SYT13: variants seen among roughly 807,000 people sequenced by gnomAD.
The protein encoded by SYT13 is synaptotagmin-13.
In SYT13, 21 loss-of-function variants were observed where a neutral mutation model predicts 38.6. The observed-to-expected ratio is 0.54, with a 90% CI of 0.39 to 0.78. The LOEUF (loss-of-function observed/expected upper bound fraction) is 0.78, where lower values mean the gene tolerates loss of function less well. Ranked by LOEUF, SYT13 falls within the 30% of genes least tolerant of loss-of-function variation. The pLI, the probability that SYT13 is intolerant of heterozygous loss-of-function variation, is 0.00. For synonymous variants in SYT13, 241 were observed against 237.6 expected, an observed-to-expected ratio of 1.01 and a Z score of -0.13; for missense variants, 495 against 548.7, an observed-to-expected ratio of 0.90 and a Z score of 0.98.
chr11:45,286,083 C>T lies in SYT13; in HGVS notation c.125G>A (p.Arg42Gln), dbSNP rs147787174. 414 of 1,608,714 alleles carry T rather than the reference C, an allele frequency of 2.6e-4. No homozygotes were observed. In the East Asian group the frequency reaches 5.0e-3, roughly 19 times the overall value. ...HMHPKKGLLP[R>Q]DQDPDLEKAK... is the part of the protein sequence containing the mutation. ...CTTCTCCAGGTCGGGGTCCTGGTCC[C>T]GCGGCAGCAGCCCCTTCTTGGGGTG... The change falls in exon 1 of 6, where the codon CGG (arginine) becomes CAG (glutamine). Residue 42 changes from arginine to glutamine, a missense_variant. Transcript: ENST00000020926.
chr11:45,277,114 A>G (rs762261417), intron 1 of SYT13, among the ~76,000 whole-genome samples: 14 of 152,222 alleles, frequency 9.2e-5, no homozygotes, highest in Non-Finnish European at 1.3e-4. Flanking sequence ...TGAACCTTGA[A>G]AACATGATGC....
chr11:45,269,515 T>C (rs1420111276), intron 1 of SYT13: 1 of 1,277,762 alleles, frequency 7.8e-7, no homozygotes. Flanking sequence ...TGCTCTGCAA[T>C]GCACAACACA....
intron 1 of SYT13, among the ~76,000 whole-genome samples, chr11:45,285,707 C>T (rs1040141588): frequency 1.3e-5 from 2 of 152,110 alleles, no homozygotes; most frequent in African/African-American, 2.4e-5. Flanking sequence ...CTTACCCTTC[C>T]CAGCCCTAAT....
chr11:45,285,799 G>T lies in SYT13; in HGVS notation c.183+226C>A. On this transcript the variant is annotated intron_variant, in intron 1 of 5. Coordinates refer to ENST00000020926, the MANE Select transcript of SYT13 (RefSeq NM_020826.3). ...TTCTTCTCTCAGTCCCCACAAGCTC[G>T]CCGCTCCCTAATTCTCCTTCAGGTC... 11 of 717,320 alleles carry T rather than the reference G, an allele frequency of 1.5e-5. No individual in the cohort carries two copies. In the South Asian group the frequency reaches 1.6e-4, roughly 11 times the overall value. The allele number at this position is 717,320 out of a possible 1,614,324, so 44.4% of individuals were successfully genotyped here.
intron 2 of SYT13, 175 bp from the exon 3 acceptor site, chr11:45,254,579 TAG>T: frequency 1.3e-6 from 1 of 776,496 alleles, no homozygotes; most frequent in African/African-American, 1.8e-5. Flanking sequence ...CACAGCCCAT[TAG>T]GCTGCATCTG....
intron 1 of SYT13, among the ~76,000 whole-genome samples, chr11:45,278,917 C>T (rs1282479043): frequency 3.3e-5 from 5 of 152,200 alleles, no homozygotes; most frequent in Non-Finnish European, 5.9e-5. Flanking sequence ...CCAGCCCAAA[C>T]ATGTTTACTG....
At position 45,285,778 on chromosome 11, in the gene SYT13, T is replaced by G. The variant is rs962724612; in HGVS notation, c.183+247A>C. On this transcript the variant is annotated intron_variant, in intron 1 of 5. Transcript: ENST00000020926. ...AGGTCTCGCTGCTGGCCCCCATTCT[T>G]CTCTCAGTCCCCACAAGCTCGCCGC... 6 of 701,378 alleles carry G rather than the reference T, an allele frequency of 8.6e-6. No individual in the cohort carries two copies. In the African/African-American group the frequency reaches 1.1e-4, roughly 12 times the overall value. 43.4% of individuals were successfully genotyped at this position (701,378 alleles called of 1,614,324 possible). A position where few individuals can be genotyped will look rare whatever the true frequency, so the allele number is the denominator to read the frequency against.
chr11:45,259,084 C>T (rs959164043), intron 1 of SYT13, among the ~76,000 whole-genome samples: 1 of 152,096 alleles, frequency 6.6e-6, no homozygotes, highest in East Asian at 1.9e-4. Context: ...CCCCCTTGCC[C>T]CCTGCAAAAT....
rs16926615 is a variant in SYT13, at chr11:45,254,689, A to G, written c.410-285T>C. ...TGTTTTGTCTTTCTAAAACGCCTAC[A>G]TATTCTTTGGGTCAGGGACGATCAT... On this transcript the variant is annotated intron_variant, in intron 2 of 5. Coordinates refer to ENST00000020926, the MANE Select transcript of SYT13 (RefSeq NM_020826.3). The G allele has an allele frequency of 7.4e-3, 2,346 of 317,550 alleles. 49 individuals carry two copies. Among genetic ancestry groups the G allele is most frequent in the African/African-American group, 0.046 (2,146 of 46,710 alleles). 19.7% of individuals were successfully genotyped at this position (317,550 alleles called of 1,614,324 possible). A position where few individuals can be genotyped will look rare whatever the true frequency, so the allele number is the denominator to read the frequency against.
chr11:45,265,966 G>A (rs1260054928), intron 1 of SYT13, among the ~76,000 whole-genome samples: 1 of 152,156 alleles, frequency 6.6e-6, no homozygotes, highest in Non-Finnish European at 1.5e-5. Flanking sequence ...AGGGGTATGG[G>A]TTACAGCCTG....
rs749879673 is a variant in SYT13 at position 45,255,946 on chromosome 11, C to A, written c.184-55G>T. 5.5e-5 allele frequency: 87 copies of A among 1,568,174 alleles called. 1 individual carries two copies. Among genetic ancestry groups the A allele is most frequent in the Non-Finnish European group, 7.5e-5 (85 of 1,140,344 alleles). On this transcript the variant is annotated intron_variant, in intron 1 of 5. Coordinates refer to ENST00000020926, the MANE Select transcript of SYT13 (RefSeq NM_020826.3). ...ACAAAGGAGCCCTCTTGTCTGTTTC[C>A]CCCCATGGAAGGGAGAAACGGTGAA...
chr11:45,262,032 G>A (rs1854823527), intron 1 of SYT13, among the ~76,000 whole-genome samples: 1 of 152,088 alleles, frequency 6.6e-6, no homozygotes, highest in Non-Finnish European at 1.5e-5. Flanking sequence ...GTTCATTGCA[G>A]CATTATTCAC....
chr11:45,264,737 A>T lies in SYT13; in HGVS notation c.184-8846T>A, dbSNP rs935183605. ...GGGGTAGTTTGTTACACAGCAATAGATAACTAATACAGCTGTTTGTGAGAA... is the reference window on the plus strand; with the variant it reads ...GGGGTAGTTTGTTACACAGCAATAGTTAACTAATACAGCTGTTTGTGAGAA... On this transcript the variant is annotated intron_variant, in intron 1 of 5. Transcript: ENST00000020926. Among the ~76,000 whole-genome samples the T allele has an allele frequency of 2.6e-5, 4 of 152,222 alleles. No homozygotes were observed. The East Asian group carries it at 5.8e-4, about 22-fold the overall frequency.
At chr11:45,269,459 A>G in intron 1 of SYT13, 1 of 1,283,420 alleles carries the variant, frequency 7.8e-7, no homozygotes, top group South Asian at 1.3e-5. Flanking sequence ...CAGTCACATC[A>G]CAAAGCCCTT....
rs1358178704 is a variant in SYT13 at position 45,244,215 on chromosome 11, C to G, written c.1118G>C (p.Ser373Thr). The G allele has an allele frequency of 1.9e-6, 3 of 1,613,960 alleles. No individual in the cohort carries two copies. The African/African-American group carries it at 4.0e-5, about 22-fold the overall frequency. ...CTGGCCCAGCACTTCCAGCTCCACA[C>G]TGGAGGCCTGCAGCAGGTCGTCAGG... ...ELPDDLLQAS[S>T]VELEVLGQDD... Residue 373 changes from serine to threonine, a missense_variant, in exon 6 of 6, where the codon AGT (serine) becomes ACT (threonine). Coordinates refer to ENST00000020926, the MANE Select transcript of SYT13 (RefSeq NM_020826.3).
intron 1 of SYT13, among the ~76,000 whole-genome samples, chr11:45,275,843 G>A (rs894319969): frequency 2.0e-5 from 3 of 152,118 alleles, no homozygotes; most frequent in Non-Finnish European, 4.4e-5. Flanking sequence ...AGGGGCTAAA[G>A]CTTGGGGGAA....
chr11:45,271,722 A>G (rs1854951567), intron 1 of SYT13, among the ~76,000 whole-genome samples: 1 of 152,224 alleles, frequency 6.6e-6, no homozygotes, highest in Non-Finnish European at 1.5e-5. Flanking sequence ...GATGTGGAGG[A>G]AACTAGGTGA....
At chr11:45,265,874 A>G (rs563290899) in intron 1 of SYT13, among the ~76,000 whole-genome samples, 5 of 152,230 alleles carry the variant, frequency 3.3e-5, no homozygotes, top group African/African-American at 1.2e-4. Context: ...ATGAAGTTCT[A>G]TGACAGGTGG....
intron 1 of SYT13, among the ~76,000 whole-genome samples, chr11:45,262,161 A>G (rs771235969): frequency 5.3e-5 from 8 of 152,216 alleles, no homozygotes; most frequent in Non-Finnish European, 1.0e-4. Context: ...GTTCTGACAC[A>G]GGCTACAACA....
Sources: allele counts gnomAD v4.1 joint callset (sites outside exome capture counted in the v4.1 genomes callset), GRCh38; gene constraint gnomAD v4.1.1; transcripts MANE v1.5; gene names NCBI Gene and HGNC (gene_info 2026-07-23, HGNC 2026-07-21).